AOPEP: variants seen among roughly 807,000 people sequenced by gnomAD.
AOPEP encodes the protein aminopeptidase O.
AOPEP carries 77 observed loss-of-function variants against 98.1 expected under a neutral mutation model. That is an observed-to-expected ratio of 0.78 (90% CI 0.65 to 0.95). AOPEP has a LOEUF of 0.95. Among genes scored for constraint, AOPEP ranks in the 40% least tolerant of loss-of-function variants. The probability of loss-of-function intolerance (pLI) is 0.00; values close to 1 mark genes in which losing one functional copy is unlikely to be tolerated. For missense variants in AOPEP, 1,024 were observed against 1,024.7 expected (o/e 1.00, Z 0.01); for synonymous variants, 346 against 365.3 (o/e 0.95, Z 0.60).
intron 5 of AOPEP, among the ~76,000 whole-genome samples, chr9:94,844,970 A>G (rs970838192): frequency 6.6e-6 from 1 of 152,258 alleles, no homozygotes; most frequent in African/African-American, 2.4e-5. Flanking sequence ...TTAATTATTC[A>G]TTCAATCAAT....
At chr9:95,008,954 C>G (rs1021313423) in intron 13 of AOPEP, among the ~76,000 whole-genome samples, 28 of 152,182 alleles carry the variant, frequency 1.8e-4, no homozygotes, top group African/African-American at 6.5e-4. Context: ...TTCTGGTCCT[C>G]AGGTATTTTT....
chr9:94,805,368 G>A (rs1386272149), intron 5 of AOPEP, among the ~76,000 whole-genome samples: 2 of 152,110 alleles, frequency 1.3e-5, no homozygotes, highest in African/African-American at 4.8e-5. Flanking sequence ...TCTTCCCCTG[G>A]CAGCTGTTGA....
chr9:94,895,219 T>TAATAAAA (rs1204411552), intron 5 of AOPEP, among the ~76,000 whole-genome samples: 1 of 60,690 alleles, frequency 1.6e-5, no homozygotes, highest in Non-Finnish European at 3.5e-5. Context: ...TCATCTCTAC[T>TAATAAAA]AAAAAAAAAT....
At chr9:94,889,451 TA>T (rs1439569455) in intron 5 of AOPEP, among the ~76,000 whole-genome samples, 2 of 152,220 alleles carry the variant, frequency 1.3e-5, no homozygotes, top group Non-Finnish European at 2.9e-5. Flanking sequence ...ATGTTACAAA[TA>T]AAACTGTTAT....
chr9:94,977,608 C>G (rs1273869858), intron 10 of AOPEP, among the ~76,000 whole-genome samples: 3 of 152,202 alleles, frequency 2.0e-5, no homozygotes, highest in African/African-American at 7.2e-5. Context: ...CACACACACA[C>G]GGATACACAT....
chr9:94,748,771 C>T (rs1835070126), intron 1 of AOPEP, among the ~76,000 whole-genome samples: 1 of 152,112 alleles, frequency 6.6e-6, no homozygotes, highest in Admixed American at 6.6e-5. Context: ...GAATGTCCCT[C>T]AGTATGGGTT....
At chr9:95,107,330 G>C in the AOPEP span, 520 of 1,543,220 alleles carry the variant, frequency 3.4e-4, no homozygotes, top group Non-Finnish European at 4.3e-4. Flanking sequence ...ATACTTCTAG[G>C]ATTTATTTAT....
At chr9:94,975,926 T>C (rs2059812800) in intron 10 of AOPEP, among the ~76,000 whole-genome samples, 2 of 152,236 alleles carry the variant, frequency 1.3e-5, no homozygotes, top group Admixed American at 6.5e-5. Context: ...ACTACTGCAC[T>C]GGCATTCCTG....
intron 7 of AOPEP, among the ~76,000 whole-genome samples, 154 bp from the exon 8 acceptor site, chr9:94,955,023 T>C (rs1290898883): frequency 6.6e-6 from 1 of 152,022 alleles, no homozygotes; most frequent in Admixed American, 6.6e-5. Context: ...CGTAGACGAG[T>C]ATGTAATACA....
At chr9:95,075,637 T>C (rs933360008) in intron 14 of AOPEP, among the ~76,000 whole-genome samples, 3 of 152,154 alleles carry the variant, frequency 2.0e-5, no homozygotes, top group Non-Finnish European at 4.4e-5. Context: ...CCCAACACTT[T>C]CGGAAGCTTA....
At chr9:94,839,991 C>T (rs1034017364) in intron 5 of AOPEP, among the ~76,000 whole-genome samples, 5 of 152,168 alleles carry the variant, frequency 3.3e-5, no homozygotes, top group African/African-American at 1.2e-4. Context: ...TGATCTTGAA[C>T]TCCTGGGCTT....
chr9:94,793,476 A>T (rs1038480926), intron 4 of AOPEP, among the ~76,000 whole-genome samples: 1 of 152,138 alleles, frequency 6.6e-6, no homozygotes, highest in Non-Finnish European at 1.5e-5. Flanking sequence ...TCAGGAGTTG[A>T]GGCCAGCCTG....
intron 7 of AOPEP, chr9:94,932,343 A>G (rs1440766333): frequency 1.0e-6 from 1 of 953,822 alleles, no homozygotes; most frequent in African/African-American, 1.8e-5. Flanking sequence ...CAAAGTGAAA[A>G]GAGAAAAACT....
chr9:94,916,694 CAAA>C (rs560271736), intron 5 of AOPEP, among the ~76,000 whole-genome samples: 1 of 99,888 alleles, frequency 1.0e-5, no homozygotes, highest in African/African-American at 3.5e-5. Context: ...GACTCCCTCT[CAAA>C]AAAAAAAAAA....
chr9:95,124,324 T>G, the AOPEP span, among the ~76,000 whole-genome samples: 1 of 152,110 alleles, frequency 6.6e-6, no homozygotes, highest in African/African-American at 2.4e-5. Flanking sequence ...TAAACATTAC[T>G]TCTGTGGCCG....
chr9:94,823,566 C>T (rs1373495068), intron 5 of AOPEP, among the ~76,000 whole-genome samples: 2 of 152,172 alleles, frequency 1.3e-5, no homozygotes, highest in African/African-American at 4.8e-5. Flanking sequence ...AACTGGCAAG[C>T]CTCCTGGGGG....
At chr9:94,914,692 A>G (rs1403293875) in intron 5 of AOPEP, among the ~76,000 whole-genome samples, 2 of 151,582 alleles carry the variant, frequency 1.3e-5, no homozygotes, top group African/African-American at 2.4e-5. Flanking sequence ...AACTTTGGCA[A>G]TGAGTTTTTG....
At chr9:94,774,969 A>AT (rs1047814522) in intron 3 of AOPEP, among the ~76,000 whole-genome samples, 15 of 151,950 alleles carry the variant, frequency 9.9e-5, no homozygotes, top group Admixed American at 9.8e-4. Flanking sequence ...TCCTTTGCCC[A>AT]TTTTTTATAC....
At chr9:94,745,508 C>G (rs1014338814) in intron 1 of AOPEP, among the ~76,000 whole-genome samples, 2 of 152,274 alleles carry the variant, frequency 1.3e-5, no homozygotes, top group Admixed American at 1.3e-4. Context: ...ATCTCCTGAC[C>G]TCGTGATCTG....
Sources: allele counts gnomAD v4.1 joint callset (sites outside exome capture counted in the v4.1 genomes callset), GRCh38; gene constraint gnomAD v4.1.1; transcripts MANE v1.5; gene names NCBI Gene and HGNC (gene_info 2026-07-23, HGNC 2026-07-21).